The following FBXL2 variants were observed in gnomAD, a reference collection of about 807,000 sequenced individuals.
FBXL2 encodes F-box and leucine rich repeat protein 2.
In FBXL2, 38 loss-of-function variants were observed where a neutral mutation model predicts 69.2. That is an observed-to-expected ratio of 0.55 (90% CI 0.42 to 0.72). The LOEUF (loss-of-function observed/expected upper bound fraction) is 0.72. FBXL2 is among the 30% of genes least tolerant of loss of function. The pLI is 0.00. For missense variants in FBXL2, 354 were observed against 520.3 expected, an observed-to-expected ratio of 0.68 and a Z score of 3.11; for synonymous variants, 192 against 201.3, an observed-to-expected ratio of 0.95 and a Z score of 0.39.
chr3:33,396,116 C>T (rs753420743), intron 12 of FBXL2: 2 of 1,481,118 alleles, frequency 1.4e-6, no homozygotes, highest in Non-Finnish European at 1.8e-6. Context: ...CCGTTTCTGT[C>T]TGACAGTCTC....
chr3:33,319,607 A>G (rs1398413300), intron 2 of FBXL2, among the ~76,000 whole-genome samples: 1 of 152,192 alleles, frequency 6.6e-6, no homozygotes, highest in Non-Finnish European at 1.5e-5. Context: ...TTGGAACTTA[A>G]GTGGTTCTCT....
In FBXL2 at chr3:33,375,291, A is replaced by T. The variant is rs760210038; in HGVS notation, c.661A>T (p.Ile221Phe). 5 of 1,613,560 alleles carry T rather than the reference A, an allele frequency of 3.1e-6. No individual in the cohort carries two copies. The African/African-American group carries it at 6.7e-5, about 22-fold the overall frequency. The part of the protein sequence containing the change: ...VSLNLQSCSR[I>F]TDEGVVQICR... ...TTTCTGTGCTGCTTTTCCTCAGCGTATCACGGATGAAGGTGTGGTGCAGAT... is the reference window on the plus strand; with the variant it reads ...TTTCTGTGCTGCTTTTCCTCAGCGTTTCACGGATGAAGGTGTGGTGCAGAT... The change falls in exon 10 of 15, where the codon ATC (isoleucine) becomes TTC (phenylalanine). Residue 221 changes from isoleucine (I) to phenylalanine (F), a missense_variant. By Grantham distance (21) the Ile-to-Phe change is conservative. Coordinates refer to ENST00000484457, the MANE Select transcript of FBXL2 (RefSeq NM_012157.5).
chr3:33,313,430 A>G (rs2037392202), intron 2 of FBXL2, among the ~76,000 whole-genome samples: 1 of 152,078 alleles, frequency 6.6e-6, no homozygotes, highest in Non-Finnish European at 1.5e-5. Flanking sequence ...CAGATTCTAC[A>G]TAAACTCTTC....
chr3:33,313,534 C>A (rs890638135), intron 2 of FBXL2, among the ~76,000 whole-genome samples: 2 of 152,110 alleles, frequency 1.3e-5, no homozygotes, highest in African/African-American at 4.8e-5. Flanking sequence ...CAACCTCAAC[C>A]TCCTGGGCTC....
chr3:33,374,249 CTTTT>C (rs545946060), intron 9 of FBXL2, among the ~76,000 whole-genome samples: 1 of 151,478 alleles, frequency 6.6e-6, no homozygotes, highest in African/African-American at 2.4e-5. Context: ...CATGAAGTGT[CTTTT>C]TTTTTAACTT....
intron 2 of FBXL2, among the ~76,000 whole-genome samples, chr3:33,298,671 T>C (rs1048689539): frequency 2.4e-5 from 3 of 126,392 alleles, no homozygotes; most frequent in Admixed American, 2.1e-4. Flanking sequence ...CACTCTAGCC[T>C]GGGTGACAGA....
chr3:33,286,572 C>T (rs922505333), intron 1 of FBXL2, among the ~76,000 whole-genome samples: 1 of 152,242 alleles, frequency 6.6e-6, no homozygotes, highest in Non-Finnish European at 1.5e-5. Context: ...AGCTGTCAGA[C>T]AGGGACATTT....
chr3:33,327,110 A>T (rs1169901367), intron 2 of FBXL2, among the ~76,000 whole-genome samples: 2 of 152,206 alleles, frequency 1.3e-5, no homozygotes, highest in Non-Finnish European at 2.9e-5. Flanking sequence ...AATGTTTACT[A>T]ATGATTATTA....
chr3:33,399,921 A>C (rs2044157544), intron 12 of FBXL2, among the ~76,000 whole-genome samples: 1 of 152,212 alleles, frequency 6.6e-6, no homozygotes, highest in Admixed American at 6.5e-5. Context: ...AAATCATGTA[A>C]AACTATATAC....
chr3:33,335,197 A>C (rs557051803), intron 2 of FBXL2, among the ~76,000 whole-genome samples: 1 of 152,182 alleles, frequency 6.6e-6, no homozygotes, highest in African/African-American at 2.4e-5. Flanking sequence ...CTCTTCTAAA[A>C]ATAAAAGCTT....
intron 2 of FBXL2, among the ~76,000 whole-genome samples, chr3:33,330,914 A>C (rs28407654): frequency 6.5e-4 from 97 of 149,248 alleles, no homozygotes; most frequent in Non-Finnish European, 1.1e-3. Flanking sequence ...CACACACACA[A>C]ACACACACAC....
chr3:33,397,440 G>A (rs1029092743), intron 12 of FBXL2: 1 of 191,550 alleles, frequency 5.2e-6, no homozygotes, highest in Admixed American at 6.1e-5. Flanking sequence ...ACCTTATTTA[G>A]TGACTGGGTT....
rs2043374143 is a variant in FBXL2, at chr3:33,385,532, A to G, written c.1196A>G (p.Tyr399Cys). ...AQLPHVKVHA[Y>C]FAPVTPPTAV... ...CTCCCTCATGTCAAAGTCCACGCCT[A>G]CTTTGCTCCCGTCACCCCACCGACA... Residue 399 changes from tyrosine (Y) to cysteine (C), a missense_variant, in exon 15 of 15, where the codon TAC (tyrosine) becomes TGC (cysteine). Physicochemically the swap from Tyr to Cys is radical, Grantham distance 194. Transcript: ENST00000484457. 6.2e-7 allele frequency: 1 copy of G among 1,613,870 alleles called. No individual in the cohort carries two copies.
At chr3:33,342,900 T>A (rs1207752426) in intron 2 of FBXL2, among the ~76,000 whole-genome samples, 2 of 144,936 alleles carry the variant, frequency 1.4e-5, no homozygotes, top group East Asian at 4.0e-4. Context: ...GCTGTTTTTT[T>A]TTTTTTTTTT....
At chr3:33,375,481 C>T in intron 10 of FBXL2, 63 bp downstream of exon 10, 1 of 1,580,214 alleles carries the variant, frequency 6.3e-7, no homozygotes, top group South Asian at 1.1e-5. Context: ...AAGAGGGCTT[C>T]CTTCAGGAGA....
At chr3:33,380,241 A>T (rs900279670) in intron 13 of FBXL2, among the ~76,000 whole-genome samples, 20 of 150,912 alleles carry the variant, frequency 1.3e-4, no homozygotes, top group African/African-American at 4.6e-4. Context: ...AAAAAAAAAA[A>T]TTCAAAAGAA....
At chr3:33,290,957 T>C (rs2035164536) in intron 1 of FBXL2, among the ~76,000 whole-genome samples, 1 of 151,862 alleles carries the variant, frequency 6.6e-6, no homozygotes, top group African/African-American at 2.4e-5. Flanking sequence ...TTTGAGACCC[T>C]CTCACTCTGT....
intron 2 of FBXL2, among the ~76,000 whole-genome samples, chr3:33,306,062 T>C (rs1170273390): frequency 6.6e-6 from 1 of 152,026 alleles, no homozygotes; most frequent in Non-Finnish European, 1.5e-5. Context: ...ATTTTTTCTT[T>C]GCGTTTTATT....
chr3:33,399,724 T>G (rs1035828036), intron 12 of FBXL2, among the ~76,000 whole-genome samples: 1 of 152,200 alleles, frequency 6.6e-6, no homozygotes, highest in African/African-American at 2.4e-5. Context: ...TCCTGTCATC[T>G]TAATTGTGGT....
Sources: allele counts gnomAD v4.1 joint callset (sites outside exome capture counted in the v4.1 genomes callset), GRCh38; gene constraint gnomAD v4.1.1; transcripts MANE v1.5; gene names NCBI Gene and HGNC (gene_info 2026-07-23, HGNC 2026-07-21).